The following MCIDAS variants were observed in gnomAD, a reference collection of about 807,000 sequenced individuals.
MCIDAS encodes the protein multiciliate differentiation and DNA synthesis associated cell cycle protein, also known as multicilin.
In MCIDAS, 23 loss-of-function variants were observed where a neutral mutation model predicts 35.4. The ratio of observed to expected loss-of-function variants is 0.65; its 90% CI spans 0.47 to 0.92. MCIDAS has a LOEUF of 0.92. MCIDAS is among the 40% of genes least tolerant of loss of function. The pLI is 0.00. For synonymous variants in MCIDAS, 228 were observed against 235.2 expected (o/e 0.97, Z 0.28); for missense variants, 480 against 531.8 (o/e 0.90, Z 0.96).
Position 55,222,250 on chromosome 5 carries a change from G to C in MCIDAS, c.532C>G (p.Pro178Ala), listed in dbSNP as rs1180974088. The change falls in exon 5 of 7, where the codon CCT becomes GCT. Residue 178 changes from proline (P) to alanine (A), a missense_variant. Transcript: ENST00000513312. Reference protein sequence around the residue: ...PPLRPPDVPPPEQYWKEVADQ... With the variant: ...PPLRPPDVPPAEQYWKEVADQ... ...GCCACCTCCTTCCAGTATTGCTCAG[G>C]CGGGGGCACGTCTGGAGGGCGCAGC... 6.5e-7 allele frequency: 1 copy of C among 1,536,016 alleles called. No individual in the cohort carries two copies. The highest frequency in any genetic ancestry group is 2.0e-5 in the Admixed American group (1 of 50,992).
chr5:55,221,457 T>A (rs1745355455), intron 5 of MCIDAS, among the ~76,000 whole-genome samples: 1 of 151,940 alleles, frequency 6.6e-6, no homozygotes, highest in South Asian at 2.1e-4. Context: ...TCAATGATTG[T>A]GAGCATTAAG....
chr5:55,220,317 G>A lies in MCIDAS; in HGVS notation c.*49C>T. ...AGGCAAAGTTCTGGGAAGCCCCCAG[G>A]CACTTCAGTGGAAACACAGGGCAGT... On this transcript the variant is annotated 3_prime_UTR_variant, in exon 7 of 7. Coordinates refer to ENST00000513312, the MANE Select transcript of MCIDAS (RefSeq NM_001190787.3). 14 of 1,482,426 alleles carry A rather than the reference G, an allele frequency of 9.4e-6. No homozygotes were observed. Among genetic ancestry groups the A allele is most frequent in the Non-Finnish European group, 1.3e-5 (14 of 1,113,412 alleles). The allele number at this position is 1,482,426 out of a possible 1,614,324, so 91.8% of individuals were successfully genotyped here. A position where few individuals can be genotyped will look rare whatever the true frequency, so the allele number is the denominator to read the frequency against.
intron 5 of MCIDAS, among the ~76,000 whole-genome samples, chr5:55,221,450 A>T (rs761685534): frequency 9.2e-5 from 14 of 152,258 alleles, no homozygotes; most frequent in Middle Eastern, 6.8e-3. Context: ...ATCTAGCTCA[A>T]TGATTGTGAG....
rs1275273002 is a variant in MCIDAS, at chr5:55,223,605, C to T, written c.310-582G>A. ...GCCGCCGCTGTAGGAGCTGAGAGCA[C>T]GTCTTGAACACCGGATCTTTCCACC... On this transcript the variant is annotated intron_variant, in intron 3 of 6. Coordinates refer to ENST00000513312, the MANE Select transcript of MCIDAS (RefSeq NM_001190787.3). This position sits in a 1 kb window ranked among gnomAD's most constrained non-coding sequence, Gnocchi z 4.4. Among the ~76,000 whole-genome samples, 3 of 152,238 alleles carry T rather than the reference C, an allele frequency of 2.0e-5. No homozygotes were observed. The highest frequency in any genetic ancestry group is 2.0e-4 in the Admixed American group (3 of 15,288).
intron 4 of MCIDAS, among the ~76,000 whole-genome samples, 200 bp from the exon 5 acceptor site, chr5:55,222,599 A>C (rs535948224): frequency 8.5e-5 from 13 of 152,070 alleles, no homozygotes; most frequent in Non-Finnish European, 1.6e-4. Context: ...ATGCCTGTTA[A>C]GTTTACCTGA....
intron 4 of MCIDAS, 74 bp downstream of exon 4, chr5:55,222,877 G>A: frequency 7.8e-7 from 1 of 1,281,900 alleles, no homozygotes; most frequent in Non-Finnish European, 1.1e-6. Context: ...TCACGACCAC[G>A]AAATCTGAAC....
chr5:55,220,966 C>A (rs1170665346), intron 6 of MCIDAS, 50 bp downstream of exon 6: 3 of 1,498,202 alleles, frequency 2.0e-6, no homozygotes, highest in Non-Finnish European at 2.7e-6. Flanking sequence ...ATGCACTGAA[C>A]TGTTCAGTTC....
rs1745393111 is a variant in MCIDAS, at chr5:55,223,135, T to C, written c.310-112A>G. 1.2e-6 allele frequency: 1 copy of C among 815,942 alleles called. No homozygotes were observed. The highest frequency in any genetic ancestry group is 2.0e-6 in the Non-Finnish European group (1 of 507,348). 50.5% of individuals were successfully genotyped at this position (815,942 alleles called of 1,614,324 possible). A position where few individuals can be genotyped will look rare whatever the true frequency, so the allele number is the denominator to read the frequency against. The stretch of plus-strand genomic sequence containing the variant: ...GCAGGCACTATGCAATATATGCACG[T>C]AACACAACTGCACTTGTACCCCTAA... On this transcript the variant is annotated intron_variant, in intron 3 of 6. Transcript: ENST00000513312. This position sits in a 1 kb window ranked among gnomAD's most constrained non-coding sequence, Gnocchi z 4.4.
chr5:55,222,011 T>C (rs1745366928), intron 5 of MCIDAS, among the ~76,000 whole-genome samples, 165 bp downstream of exon 5: 1 of 152,122 alleles, frequency 6.6e-6, no homozygotes, highest in African/African-American at 2.4e-5. Flanking sequence ...CTTAACCAAT[T>C]TGGAAACAGG....
In MCIDAS at chr5:55,223,554, C is replaced by G. The variant is rs1403762564; in HGVS notation, c.310-531G>C. On this transcript the variant is annotated intron_variant, in intron 3 of 6. Transcript: ENST00000513312. This position sits in a 1 kb window ranked among gnomAD's most constrained non-coding sequence, Gnocchi z 4.4. ...CCTGTGCGCCTGCGAAATTTTGACT[C>G]CGACTCACCAGCGACCGGCCACCGA... Among the ~76,000 whole-genome samples the G allele has an allele frequency of 2.0e-5, 3 of 152,198 alleles. No individual in the cohort carries two copies. Among genetic ancestry groups the G allele is most frequent in the Non-Finnish European group, 4.4e-5 (3 of 68,030 alleles).
intron 6 of MCIDAS, 79 bp from the exon 7 acceptor site, chr5:55,220,885 C>CGCGTA: frequency 6.8e-7 from 1 of 1,464,188 alleles, no homozygotes; most frequent in Non-Finnish European, 9.1e-7. Flanking sequence ...GTGACCTAGG[C>CGCGTA]GCGCTACGCA....
In MCIDAS at chr5:55,223,251, A is replaced by C. The variant is rs1054850586; in HGVS notation, c.310-228T>G. ...CCGGGCTCGGCGGCGGTCTGCTCGC[A>C]CTTACGTCGCCAGCCCAGTCTCGTA... is the stretch of plus-strand genomic sequence containing the variant. On this transcript the variant is annotated intron_variant, in intron 3 of 6. Transcript: ENST00000513312. This position sits in a 1 kb window ranked among gnomAD's most constrained non-coding sequence, Gnocchi z 4.4. 2.0e-5 allele frequency among the ~76,000 whole-genome samples: 3 copies of C among 149,752 alleles called. No individual in the cohort carries two copies. The highest frequency in any genetic ancestry group is 5.0e-5 in the African/African-American group (2 of 40,320).
rs1458968055 is a variant in MCIDAS, at chr5:55,227,062, G to A, written c.77C>T (p.Pro26Leu). The A allele has an allele frequency of 2.0e-6, 3 of 1,520,382 alleles. No individual in the cohort carries two copies. Among genetic ancestry groups the A allele is most frequent in the Non-Finnish European group, 2.6e-6 (3 of 1,140,642 alleles). 94.2% of individuals were successfully genotyped at this position (1,520,382 alleles called of 1,614,324 possible). Residue 26 changes from proline (P) to leucine (L), a missense_variant, in exon 1 of 7, where the codon CCG becomes CTG. Transcript: ENST00000513312. ...SICPNRMLAL[P>L]GRALLCKPGK... is the part of the protein sequence containing the mutation. ...CGGCTTGCAGAGCAGCGCCCGGCCC[G>A]GCAGTGCCAGCATTCTGTTGGGGCA...
Position 55,222,985 on chromosome 5 carries a change from T to C in MCIDAS, c.348A>G (p.Gln116=), listed in dbSNP as rs1205331944. The C allele has an allele frequency of 2.6e-6, 4 of 1,536,134 alleles. No homozygotes were observed. Among genetic ancestry groups the C allele is most frequent in the Middle Eastern group, 1.7e-4 (1 of 5,990 alleles). The change falls in exon 4 of 7, where the codon CAA becomes CAG. Residue 116 remains glutamine, a synonymous_variant. Transcript: ENST00000513312. The part of the protein sequence containing the change: ...SHQTEADFNL[Q]DFRDTVDDLI... ...GATCATCCACCGTGTCTCTGAAATC[T>C]TGCAGATTGAAGTCTGCTTCCGTTT... is the stretch of plus-strand genomic sequence containing the variant.
chr5:55,221,847 C>T (rs1745362024), intron 5 of MCIDAS, among the ~76,000 whole-genome samples: 1 of 151,956 alleles, frequency 6.6e-6, no homozygotes, highest in South Asian at 2.1e-4. Context: ...ATGGCTTGAG[C>T]CTGGGAGGCG....
At position 55,223,573 on chromosome 5, in the gene MCIDAS, C is replaced by T. The variant is rs575012794; in HGVS notation, c.310-550G>A. Among the ~76,000 whole-genome samples, 1 of 152,236 alleles carries T rather than the reference C, an allele frequency of 6.6e-6. No individual in the cohort carries two copies. Among genetic ancestry groups the T allele is most frequent in the Non-Finnish European group, 1.5e-5 (1 of 68,038 alleles). On this transcript the variant is annotated intron_variant, in intron 3 of 6. Transcript: ENST00000513312. The surrounding 1 kb of genome is among the most constrained non-coding windows in gnomAD (Gnocchi z 4.4). ...TTGACTCCGACTCACCAGCGACCGG[C>T]CACCGAGCCGCCGCTGTAGGAGCTG...
chr5:55,222,275 C>A lies in MCIDAS; in HGVS notation c.507G>T (p.Pro169=). 5 of 1,535,998 alleles carry A rather than the reference C, an allele frequency of 3.3e-6. No individual in the cohort carries two copies. The highest frequency in any genetic ancestry group is 3.5e-6 in the Non-Finnish European group (4 of 1,146,864). Residue 169 remains proline, a synonymous_variant, in exon 5 of 7, where the codon CCG becomes CCT. Transcript: ENST00000513312. The stretch of plus-strand genomic sequence containing the variant: ...GCGGGGGCACGTCTGGAGGGCGCAG[C>A]GGTGGTGACTGCAGGGCCCGTGGGT... ...PLDPRALQSP[P]LRPPDVPPPE... is the part of the protein sequence containing the mutation.
In MCIDAS at chr5:55,220,355, C is replaced by A; in HGVS notation, c.*11G>T. Reference sequence around the variant, plus strand: ...AACACAGGGCAGTGTTTTGGGGGACCACATCACAGCTCAACTGGGGACCCA... The same window carrying A: ...AACACAGGGCAGTGTTTTGGGGGACAACATCACAGCTCAACTGGGGACCCA... On this transcript the variant is annotated 3_prime_UTR_variant, in exon 7 of 7. Coordinates refer to ENST00000513312, the MANE Select transcript of MCIDAS (RefSeq NM_001190787.3). The A allele has an allele frequency of 6.6e-7, 1 of 1,526,646 alleles. No individual in the cohort carries two copies. Among genetic ancestry groups the A allele is most frequent in the Non-Finnish European group, 8.8e-7 (1 of 1,139,968 alleles). 94.6% of individuals were successfully genotyped at this position (1,526,646 alleles called of 1,614,324 possible).
chr5:55,221,265 A>G lies in MCIDAS; in HGVS notation c.607-139T>C, dbSNP rs949555142. The stretch of plus-strand genomic sequence containing the variant: ...GGCATTTACGCTAGTGAGAATAATA[A>G]TCAATTTACTTTTTTTTTAAAACAA... On this transcript the variant is annotated intron_variant, in intron 5 of 6. Coordinates refer to ENST00000513312, the MANE Select transcript of MCIDAS (RefSeq NM_001190787.3). The G allele has an allele frequency of 2.4e-5, 13 of 533,406 alleles. No homozygotes were observed. The African/African-American group carries it at 3.2e-4, about 13-fold the overall frequency. The allele number at this position is 533,406 out of a possible 1,614,324, so 33.0% of individuals were successfully genotyped here.
Sources: allele counts gnomAD v4.1 joint callset (sites outside exome capture counted in the v4.1 genomes callset), GRCh38; gene constraint gnomAD v4.1.1; non-coding constraint Gnocchi (gnomAD v3.1); transcripts MANE v1.5; gene names NCBI Gene and HGNC (gene_info 2026-07-23, HGNC 2026-07-21).